Variants in HYDIN observed in about 807,000 individuals in gnomAD.
HYDIN encodes axonemal central pair apparatus protein HYDIN.
HYDIN carries 132 observed loss-of-function variants against 403.9 expected under a neutral mutation model. That is an observed-to-expected ratio of 0.33 (90% CI 0.28 to 0.38). HYDIN has a LOEUF of 0.38. Among genes scored for constraint, HYDIN ranks in the 10% least tolerant of loss-of-function variants. The probability of loss-of-function intolerance (pLI) is 1.00; values close to 1 mark genes in which losing one functional copy is unlikely to be tolerated. For missense variants in HYDIN, 2,827 were observed against 5,009.5 expected (o/e 0.56, Z 13.15); for synonymous variants, 1,202 against 1,891.7 (o/e 0.64, Z 9.46).
At chr16:71,033,298 T>C (rs1420136913) in intron 18 of HYDIN, among the ~76,000 whole-genome samples, 1 of 152,238 alleles carries the variant, frequency 6.6e-6, no homozygotes, top group Non-Finnish European at 1.5e-5. Context: ...CATTTTCTTT[T>C]CCCTCCAAAT....
intron 52 of HYDIN, among the ~76,000 whole-genome samples, chr16:70,903,072 A>C (rs2143760979): frequency 7.4e-6 from 1 of 135,388 alleles, no homozygotes; most frequent in Non-Finnish European, 1.5e-5. Flanking sequence ...TTCAGTTATT[A>C]CTTAGTTCTT....
At chr16:70,943,728 G>A in intron 42 of HYDIN, 84 bp downstream of exon 42, 5 of 1,514,448 alleles carry the variant, frequency 3.3e-6, no homozygotes, top group Non-Finnish European at 4.4e-6. Context: ...GTGGGTGGCT[G>A]ATGGCCCAGA....
At chr16:71,130,170 C>T (rs1390079177) in intron 8 of HYDIN, among the ~76,000 whole-genome samples, 5 of 152,242 alleles carry the variant, frequency 3.3e-5, no homozygotes, top group African/African-American at 1.2e-4. Context: ...ATCTATTCTG[C>T]CCCTCACATG....
At chr16:71,012,535 T>A (rs2080122404) in intron 23 of HYDIN, among the ~76,000 whole-genome samples, 1 of 152,182 alleles carries the variant, frequency 6.6e-6, no homozygotes. Flanking sequence ...GAGGGATGCT[T>A]TAAATAGATG....
intron 8 of HYDIN, among the ~76,000 whole-genome samples, chr16:71,134,346 T>C (rs933894707): frequency 3.9e-5 from 6 of 151,930 alleles, no homozygotes; most frequent in Non-Finnish European, 7.3e-5. Context: ...TTACCAGAAG[T>C]TAAATCTTTT....
chr16:70,894,414 C>T (rs1295139467), intron 55 of HYDIN, 35 bp downstream of exon 55: 2 of 1,610,904 alleles, frequency 1.2e-6, no homozygotes, highest in South Asian at 2.2e-5. Context: ...CCACGGCGGA[C>T]TTGATGGCCT....
intron 3 of HYDIN, 27 bp from the exon 4 acceptor site, chr16:71,179,074 T>TA: frequency 6.3e-7 from 1 of 1,593,908 alleles, no homozygotes; most frequent in Non-Finnish European, 8.6e-7. Context: ...AAATTATTGT[T>TA]ATAGTCACAC....
At chr16:71,125,986 T>C (rs984032791) in intron 9 of HYDIN, among the ~76,000 whole-genome samples, 48 of 151,706 alleles carry the variant, frequency 3.2e-4, no homozygotes, top group African/African-American at 1.1e-3. Flanking sequence ...TGGACCCCAG[T>C]GGATGCTCTG....
At position 71,230,711 on chromosome 16, in the gene HYDIN, C is replaced by T; in HGVS notation, c.-173G>A. On this transcript the variant is annotated 5_prime_UTR_variant, in exon 1 of 86. Coordinates refer to ENST00000393567, the MANE Select transcript of HYDIN (RefSeq NM_001270974.2). ...ATGCGCCGCCCGAGCTGTTGCCGTC[C>T]GTTGCCACGGTAACCACGGAGCCGC... 1 of 1,536,006 alleles carries T rather than the reference C, an allele frequency of 6.5e-7. No homozygotes were observed. Among genetic ancestry groups the T allele is most frequent in the Non-Finnish European group, 8.7e-7 (1 of 1,146,846 alleles).
Position 70,970,791 on chromosome 16 carries a change from A to T in HYDIN, c.5380-32T>A, listed in dbSNP as rs375170444. ...AACATAAAAACAAAACAAGCATCTGAGTTTATTTCCATTACATGTCATGTA... is the reference window on the plus strand; with the variant it reads ...AACATAAAAACAAAACAAGCATCTGTGTTTATTTCCATTACATGTCATGTA... On this transcript the variant is annotated intron_variant, in intron 35 of 85. Coordinates refer to ENST00000393567, the MANE Select transcript of HYDIN (RefSeq NM_001270974.2). 28 of 1,597,076 alleles carry T rather than the reference A, an allele frequency of 1.8e-5. No individual in the cohort carries two copies. In the African/African-American group the frequency reaches 3.6e-4, roughly 21 times the overall value.
At chr16:70,892,264 T>C (rs2041511978) in intron 56 of HYDIN, 97 bp downstream of exon 56, 1 of 1,463,270 alleles carries the variant, frequency 6.8e-7, no homozygotes. Flanking sequence ...CCTCCCCTTT[T>C]CTCCCTGGAG....
chr16:70,881,542 A>G (rs2040806883), intron 60 of HYDIN, among the ~76,000 whole-genome samples: 1 of 145,616 alleles, frequency 6.9e-6, no homozygotes, highest in African/African-American at 2.7e-5. Flanking sequence ...TGGGAGGCAG[A>G]GCTTGCAGTG....
At chr16:71,170,304 T>C (rs1322039525) in intron 5 of HYDIN, among the ~76,000 whole-genome samples, 1 of 152,234 alleles carries the variant, frequency 6.6e-6, no homozygotes, top group Admixed American at 6.5e-5. Context: ...AATTAGAAAC[T>C]TAACCCTCAG....
rs1211560192 is a variant in HYDIN, at chr16:71,224,813, G to T, written c.-24+5749C>A. 3.3e-5 allele frequency among the ~76,000 whole-genome samples: 5 copies of T among 151,960 alleles called. No individual in the cohort carries two copies. The East Asian group carries it at 9.7e-4, about 29-fold the overall frequency. ...CCTGACCTCGTGATCCGCCCGCCTC[G>T]GCCTCCCAAAGTGCTGGGATTACAG... On this transcript the variant is annotated intron_variant, in intron 1 of 85. Transcript: ENST00000393567.
chr16:70,952,534 T>C lies in HYDIN; in HGVS notation c.6418A>G (p.Ile2140Val), dbSNP rs2078102386. ...ASEMTLVAPE[I>V]KPGKSVRGSV... ...CCACGAACACTCTTTCCAGGTTTAATTTCTGGGGCCACCAGAGTCATCTCG... is the reference window on the plus strand; with the variant it reads ...CCACGAACACTCTTTCCAGGTTTAACTTCTGGGGCCACCAGAGTCATCTCG... The change falls in exon 41 of 86, where the codon ATT (isoleucine) becomes GTT (valine). Residue 2140 changes from isoleucine to valine, a missense_variant. Ile to Val is a conservative substitution (Grantham distance 29). Coordinates refer to ENST00000393567, the MANE Select transcript of HYDIN (RefSeq NM_001270974.2). The C allele has an allele frequency of 6.2e-7, 1 of 1,612,660 alleles. No homozygotes were observed. Among genetic ancestry groups the C allele is most frequent in the Non-Finnish European group, 8.5e-7 (1 of 1,179,746 alleles).
At chr16:70,828,664 G>GT (rs2036756091) in intron 81 of HYDIN, among the ~76,000 whole-genome samples, 1 of 152,002 alleles carries the variant, frequency 6.6e-6, no homozygotes, top group Non-Finnish European at 1.5e-5. Context: ...AAAGAAAAAA[G>GT]TTATGCATAT....
At position 70,921,585 on chromosome 16, in the gene HYDIN, G is replaced by A. The variant is rs973860558; in HGVS notation, c.7159-368C>T. Among the ~76,000 whole-genome samples, 16 of 152,286 alleles carry A rather than the reference G, an allele frequency of 1.1e-4. No individual in the cohort carries two copies. In the East Asian group the frequency reaches 2.1e-3, roughly 20 times the overall value. On this transcript the variant is annotated intron_variant, in intron 45 of 85. Coordinates refer to ENST00000393567, the MANE Select transcript of HYDIN (RefSeq NM_001270974.2). ...CAGGTGCCCTGGGATAGGCCACAGC[G>A]TGTAGTGGTCCAATCCCAGCTGCAC...
At chr16:70,826,655 C>A (rs1441346638) in intron 83 of HYDIN, among the ~76,000 whole-genome samples, 2 of 147,118 alleles carry the variant, frequency 1.4e-5, no homozygotes, top group African/African-American at 5.4e-5. Flanking sequence ...GCATCCTATT[C>A]AGTTATTGTA....
chr16:71,009,943 T>G (rs1221221581), intron 23 of HYDIN, among the ~76,000 whole-genome samples: 2 of 118,986 alleles, frequency 1.7e-5, no homozygotes, highest in Non-Finnish European at 1.7e-5. Context: ...ACTTCCGGCC[T>G]CCAGAATGGG....
Sources: allele counts gnomAD v4.1 joint callset (sites outside exome capture counted in the v4.1 genomes callset), GRCh38; gene constraint gnomAD v4.1.1; transcripts MANE v1.5; gene names NCBI Gene and HGNC (gene_info 2026-07-23, HGNC 2026-07-21).